Variants in XNDC1N observed in about 807,000 individuals in gnomAD.
XNDC1N encodes the protein protein XNDC1N.
the XNDC1N span, among the ~76,000 whole-genome samples, chr11:71,916,404 G>A: frequency 6.6e-6 from 1 of 152,152 alleles, no homozygotes; most frequent in Non-Finnish European, 1.5e-5. Flanking sequence ...CCTTAGGCTT[G>A]GGTGTTCAGG....
At chr11:71,865,877 TAAAC>T in the XNDC1N span, 1 of 444,180 alleles carries the variant, frequency 2.3e-6, no homozygotes, top group Non-Finnish European at 4.5e-6. Flanking sequence ...AATAAGTAAA[TAAAC>T]AAACAAATAA....
the XNDC1N span, among the ~76,000 whole-genome samples, chr11:71,914,755 T>C: frequency 6.6e-6 from 1 of 151,948 alleles, no homozygotes; most frequent in Non-Finnish European, 1.5e-5. Context: ...TGTGACAGAA[T>C]TACTGCAATC....
At chr11:71,927,542 A>C in the XNDC1N span, 1 of 151,950 alleles carries the variant, frequency 6.6e-6, no homozygotes, top group African/African-American at 2.4e-5. Flanking sequence ...AAAAGCACTC[A>C]GATTAAAAAA....
chr11:71,889,415 C>T, the XNDC1N span, among the ~76,000 whole-genome samples: 1 of 152,228 alleles, frequency 6.6e-6, no homozygotes, highest in Non-Finnish European at 1.5e-5. Context: ...CTTCCCCCTT[C>T]TGGGCATCAG....
At chr11:71,928,253 C>T in the XNDC1N span, 1 of 559,992 alleles carries the variant, frequency 1.8e-6, no homozygotes, top group Non-Finnish European at 3.2e-6. Context: ...TCAAGCCGCA[C>T]CGCTGCTTTC....
the XNDC1N span, chr11:71,928,464 C>T: frequency 1.4e-6 from 1 of 702,532 alleles, no homozygotes; most frequent in Non-Finnish European, 2.6e-6. Context: ...CCTTCTGACC[C>T]CGAGAGCTAC....
chr11:71,924,998 C>A, the XNDC1N span, among the ~76,000 whole-genome samples: 2 of 151,930 alleles, frequency 1.3e-5, no homozygotes, highest in Non-Finnish European at 2.9e-5. Context: ...CCCTCCCCAC[C>A]AAAACTTTTT....
the XNDC1N span, among the ~76,000 whole-genome samples, chr11:71,919,788 T>C: frequency 6.7e-6 from 1 of 149,420 alleles, no homozygotes; most frequent in African/African-American, 2.5e-5. Flanking sequence ...CGGCTAATTT[T>C]TTGTATTTTT....
At chr11:71,873,091 T>G in the XNDC1N span, among the ~76,000 whole-genome samples, 1 of 152,200 alleles carries the variant, frequency 6.6e-6, no homozygotes, top group African/African-American at 2.4e-5. Flanking sequence ...CAATGTTTCT[T>G]GCTTTGTTTT....
the XNDC1N span, among the ~76,000 whole-genome samples, chr11:71,882,784 C>T: frequency 3.9e-5 from 6 of 152,140 alleles, no homozygotes; most frequent in African/African-American, 1.2e-4. Context: ...GGCATCCAAA[C>T]TGTTGGGGGG....
chr11:71,888,865 CG>C, the XNDC1N span, among the ~76,000 whole-genome samples: 2 of 152,210 alleles, frequency 1.3e-5, no homozygotes, highest in African/African-American at 4.8e-5. Flanking sequence ...CCCTCCACCC[CG>C]CCACCTTGCT....
At chr11:71,921,391 G>A in the XNDC1N span, among the ~76,000 whole-genome samples, 6 of 151,990 alleles carry the variant, frequency 3.9e-5, no homozygotes, top group African/African-American at 9.7e-5. Flanking sequence ...CAATCTGCCC[G>A]CCTCAGCCTC....
the XNDC1N span, chr11:71,893,730 G>C: frequency 8.0e-7 from 1 of 1,249,250 alleles, no homozygotes; most frequent in Non-Finnish European, 1.1e-6. Flanking sequence ...ACATGCAGTC[G>C]CATAGCAGAG....
the XNDC1N span, among the ~76,000 whole-genome samples, chr11:71,900,541 T>C: frequency 3.3e-5 from 5 of 152,162 alleles, no homozygotes; most frequent in African/African-American, 1.2e-4. Context: ...GTCTCAGAAA[T>C]CTTATTCAAA....
chr11:71,895,330 T>A, the XNDC1N span, among the ~76,000 whole-genome samples: 1 of 152,006 alleles, frequency 6.6e-6, no homozygotes, highest in African/African-American at 2.4e-5. Flanking sequence ...TTTTTTTGAG[T>A]CAGAGTTTCA....
At chr11:71,888,452 A>G in the XNDC1N span, among the ~76,000 whole-genome samples, 1 of 152,194 alleles carries the variant, frequency 6.6e-6, no homozygotes, top group African/African-American at 2.4e-5. Flanking sequence ...AACAACAGCA[A>G]GGCTTTCATG....
chr11:71,887,617 C>T, the XNDC1N span, among the ~76,000 whole-genome samples: 1 of 152,212 alleles, frequency 6.6e-6, no homozygotes. Flanking sequence ...GGCCGGTCCC[C>T]AGAGAAGCCC....
chr11:71,910,023 G>T, the XNDC1N span, among the ~76,000 whole-genome samples: 43 of 152,282 alleles, frequency 2.8e-4, no homozygotes, highest in East Asian at 6.4e-3. Context: ...CTCCGGGATT[G>T]GCCAGTGAAG....
the XNDC1N span, among the ~76,000 whole-genome samples, chr11:71,882,300 G>A: frequency 6.6e-6 from 1 of 151,682 alleles, no homozygotes; most frequent in Non-Finnish European, 1.5e-5. Flanking sequence ...TTGTCACCCA[G>A]GCTGGAGTGC....
Sources: allele counts gnomAD v4.1 joint callset (sites outside exome capture counted in the v4.1 genomes callset), GRCh38; gene constraint gnomAD v4.1.1; transcripts MANE v1.5; gene names NCBI Gene and HGNC (gene_info 2026-07-23, HGNC 2026-07-21).